The following SLC24A2 variants were observed in gnomAD, a reference collection of about 807,000 sequenced individuals.
The protein encoded by SLC24A2 is solute carrier family 24 member 2.
A neutral mutation model predicts 62.0 loss-of-function variants in SLC24A2; 36 were observed. The observed-to-expected ratio is 0.58, with a 90% confidence interval of 0.44 to 0.77. The LOEUF (loss-of-function observed/expected upper bound fraction) is 0.77. SLC24A2 is among the 30% of genes least tolerant of loss of function. The pLI is 0.00. For synonymous variants in SLC24A2, 358 were observed against 294.0 expected, an observed-to-expected ratio of 1.22 and a Z score of -2.23; for missense variants, 846 against 817.9, an observed-to-expected ratio of 1.03 and a Z score of -0.42.
At chr9:19,702,763 C>T (rs1419084878) in intron 2 of SLC24A2, among the ~76,000 whole-genome samples, 1 of 152,040 alleles carries the variant, frequency 6.6e-6, no homozygotes, top group African/African-American at 2.4e-5. Flanking sequence ...CTTGAGTTAC[C>T]TTTTAAAATT....
chr9:20,181,201 A>G, the SLC24A2 span, among the ~76,000 whole-genome samples: 1 of 152,058 alleles, frequency 6.6e-6, no homozygotes, highest in Non-Finnish European at 1.5e-5. Context: ...ACAGCCGTAT[A>G]TCCTTGGGAA....
At chr9:19,897,677 CTT>C in the SLC24A2 span, among the ~76,000 whole-genome samples, 1 of 152,086 alleles carries the variant, frequency 6.6e-6, no homozygotes, top group Admixed American at 6.5e-5. Flanking sequence ...GTTCACAACA[CTT>C]TAAATCGTTC....
At chr9:19,811,594 A>G in the SLC24A2 span, among the ~76,000 whole-genome samples, 1 of 152,172 alleles carries the variant, frequency 6.6e-6, no homozygotes, top group Non-Finnish European at 1.5e-5. Flanking sequence ...GGCATCAGCC[A>G]CTGTGCCTAG....
At chr9:19,670,029 C>G (rs1045146141) in intron 2 of SLC24A2, among the ~76,000 whole-genome samples, 1 of 152,162 alleles carries the variant, frequency 6.6e-6, no homozygotes, top group Non-Finnish European at 1.5e-5. Flanking sequence ...CAGAGAATAG[C>G]CTGCATTTAG....
chr9:19,542,862 A>G (rs1007763170), intron 8 of SLC24A2, among the ~76,000 whole-genome samples: 12 of 152,316 alleles, frequency 7.9e-5, no homozygotes, highest in African/African-American at 2.6e-4. Context: ...GGATTTTCGC[A>G]TCGATGTTCA....
the SLC24A2 span, among the ~76,000 whole-genome samples, chr9:20,202,671 A>G: frequency 6.6e-6 from 1 of 152,322 alleles, no homozygotes; most frequent in East Asian, 1.9e-4. Flanking sequence ...GCTCCAGAAA[A>G]GAATGTTCTG....
chr9:19,776,405 A>T (rs1048345994), intron 2 of SLC24A2, among the ~76,000 whole-genome samples: 11 of 152,146 alleles, frequency 7.2e-5, no homozygotes, highest in African/African-American at 2.7e-4. Flanking sequence ...TTTATTTCAG[A>T]GTGTTGATGT....
intron 2 of SLC24A2, among the ~76,000 whole-genome samples, chr9:19,710,673 G>T (rs1474095323): frequency 6.6e-6 from 1 of 152,190 alleles, no homozygotes; most frequent in Non-Finnish European, 1.5e-5. Context: ...TCATGAATGG[G>T]CCTTGTCAGC....
the SLC24A2 span, among the ~76,000 whole-genome samples, chr9:20,269,828 C>T: frequency 1.3e-5 from 2 of 152,160 alleles, no homozygotes; most frequent in Non-Finnish European, 2.9e-5. Flanking sequence ...AAACAAAGGA[C>T]TTGACCGCTT....
chr9:20,049,749 A>C, the SLC24A2 span, among the ~76,000 whole-genome samples: 1 of 151,346 alleles, frequency 6.6e-6, no homozygotes, highest in Non-Finnish European at 1.5e-5. Flanking sequence ...GTTTAGCAAC[A>C]TCAGGAAGCT....
At chr9:19,778,437 T>C (rs920134557) in intron 2 of SLC24A2, among the ~76,000 whole-genome samples, 26 of 151,686 alleles carry the variant, frequency 1.7e-4, no homozygotes, top group Non-Finnish European at 2.5e-4. Flanking sequence ...TCCTGAAGGG[T>C]TGACACTTTC....
Position 19,512,776 on chromosome 9 carries a change from A to G in SLC24A2, c.*3377T>C, listed in dbSNP as rs577999164. 6.6e-6 allele frequency: 1 copy of G among 152,060 alleles called. No homozygotes were observed. Among genetic ancestry groups the G allele is most frequent in the African/African-American group, 2.4e-5 (1 of 41,392 alleles). 9.4% of individuals were successfully genotyped at this position (152,060 alleles called of 1,614,324 possible). On this transcript the variant is annotated 3_prime_UTR_variant, in exon 11 of 11. Coordinates refer to ENST00000341998, the MANE Select transcript of SLC24A2 (RefSeq NM_020344.4). Reference sequence around the variant, plus strand: ...TACAATGTTGGCTCTTGAATTGTTGATATCTTTTATACCCTGCTCCAGAGA... The same window carrying G: ...TACAATGTTGGCTCTTGAATTGTTGGTATCTTTTATACCCTGCTCCAGAGA...
At chr9:19,643,446 G>C (rs1236475229) in intron 2 of SLC24A2, among the ~76,000 whole-genome samples, 2 of 152,168 alleles carry the variant, frequency 1.3e-5, no homozygotes, top group Non-Finnish European at 2.9e-5. Flanking sequence ...TGATGGAAAT[G>C]TACCTAAAAT....
chr9:19,587,164 C>T (rs557298731), intron 5 of SLC24A2, among the ~76,000 whole-genome samples: 10 of 152,124 alleles, frequency 6.6e-5, no homozygotes, highest in Non-Finnish European at 4.4e-5. Context: ...TCTGATTTAC[C>T]GTATCTGGAA....
chr9:20,298,821 G>A, the SLC24A2 span, among the ~76,000 whole-genome samples: 4 of 152,226 alleles, frequency 2.6e-5, no homozygotes, highest in Non-Finnish European at 5.9e-5. Context: ...AGGTAAAAAG[G>A]TAGTGAGTTA....
chr9:20,076,693 A>T, the SLC24A2 span, among the ~76,000 whole-genome samples: 3 of 152,156 alleles, frequency 2.0e-5, no homozygotes, highest in East Asian at 5.8e-4. Context: ...GGGAAGAACA[A>T]GTTCCTGGGC....
At chr9:19,851,253 G>A in the SLC24A2 span, among the ~76,000 whole-genome samples, 2 of 150,998 alleles carry the variant, frequency 1.3e-5, no homozygotes, top group African/African-American at 2.4e-5. Context: ...CTGAACTCCT[G>A]ACCTCAGGTA....
chr9:19,812,759 A>C, the SLC24A2 span, among the ~76,000 whole-genome samples: 1 of 134,314 alleles, frequency 7.4e-6, no homozygotes, highest in Non-Finnish European at 1.6e-5. Flanking sequence ...AGATAATTTT[A>C]TCTCCTTCCA....
the SLC24A2 span, among the ~76,000 whole-genome samples, chr9:20,103,741 C>G: frequency 0.21 from 32,130 of 150,884 alleles, 3,900 homozygotes; most frequent in East Asian, 0.58. Context: ...AAACCACAAA[C>G]ATGGGGAAAA....
Sources: allele counts gnomAD v4.1 joint callset (sites outside exome capture counted in the v4.1 genomes callset), GRCh38; gene constraint gnomAD v4.1.1; transcripts MANE v1.5; gene names NCBI Gene and HGNC (gene_info 2026-07-23, HGNC 2026-07-21).